The following PITPNM2 variants were observed in gnomAD, a reference collection of about 807,000 sequenced individuals.
PITPNM2 encodes the protein membrane-associated phosphatidylinositol transfer protein 2.
A neutral mutation model predicts 132.2 loss-of-function variants in PITPNM2; 35 were observed. The ratio of observed to expected loss-of-function variants is 0.26; its 90% CI spans 0.20 to 0.35. PITPNM2 has a LOEUF of 0.35. PITPNM2 is among the 10% of genes least tolerant of loss of function. The pLI, the probability that PITPNM2 is intolerant of heterozygous loss-of-function variation, is 1.00. For synonymous variants in PITPNM2, 738 were observed against 799.2 expected, an observed-to-expected ratio of 0.92 and a Z score of 1.29; for missense variants, 1,332 against 1,912.0, an observed-to-expected ratio of 0.70 and a Z score of 5.66.
At chr12:123,104,711 C>A (rs1055277537) in intron 2 of PITPNM2, among the ~76,000 whole-genome samples, 38 of 152,260 alleles carry the variant, frequency 2.5e-4, no homozygotes, top group Non-Finnish European at 5.3e-4. Context: ...ACTCTCTTTT[C>A]TGATTCAGCC....
intron 2 of PITPNM2, among the ~76,000 whole-genome samples, chr12:123,057,439 A>G (rs2041072991): frequency 6.6e-6 from 1 of 152,198 alleles, no homozygotes; most frequent in Non-Finnish European, 1.5e-5. Flanking sequence ...TCTTCCTAAC[A>G]GGAACATTCA....
intron 3 of PITPNM2, among the ~76,000 whole-genome samples, chr12:123,020,516 C>G (rs2039623472): frequency 6.6e-6 from 1 of 152,162 alleles, no homozygotes; most frequent in Non-Finnish European, 1.5e-5. Context: ...CGTCCTGGTA[C>G]ATGTATAGAG....
chr12:122,990,566 T>C lies in PITPNM2; in HGVS notation c.2548A>G (p.Thr850Ala). The C allele has an allele frequency of 6.2e-7, 1 of 1,612,982 alleles. No homozygotes were observed. The highest frequency in any genetic ancestry group is 8.5e-7 in the Non-Finnish European group (1 of 1,179,970). The stretch of plus-strand genomic sequence containing the variant: ...TCACTCTGGGCGATGCTGGATGCCG[T>C]GTAGCTCTCAGCCATGCCTGACACC... ...SQVSGMAESY[T>A]ASSIAQKAPD... The change falls in exon 17 of 26, where the codon ACG becomes GCG. Residue 850 changes from threonine to alanine, a missense_variant. Physicochemically the swap from Thr to Ala is moderately conservative, Grantham distance 58. Transcript: ENST00000320201.
At chr12:123,001,748 T>G (rs1342802780) in intron 8 of PITPNM2, among the ~76,000 whole-genome samples, 1 of 152,122 alleles carries the variant, frequency 6.6e-6, no homozygotes, top group Non-Finnish European at 1.5e-5. Flanking sequence ...AATGCTATAT[T>G]GACCAGGCAT....
chr12:123,148,321 C>T (rs536048695), intron 1 of PITPNM2, among the ~76,000 whole-genome samples: 5 of 152,200 alleles, frequency 3.3e-5, no homozygotes, highest in African/African-American at 7.2e-5. Context: ...TGGATTGACT[C>T]TGCGGTCATA....
intron 1 of PITPNM2, among the ~76,000 whole-genome samples, chr12:123,145,038 C>A (rs999156274): frequency 6.6e-6 from 1 of 152,032 alleles, no homozygotes; most frequent in African/African-American, 2.4e-5. Context: ...TGTTAGCCAG[C>A]GTGGTGCACA....
At chr12:123,145,076 C>T (rs568438070) in intron 1 of PITPNM2, among the ~76,000 whole-genome samples, 21 of 152,150 alleles carry the variant, frequency 1.4e-4, no homozygotes, top group Middle Eastern at 6.8e-3. Context: ...ACTCAGGAGG[C>T]TGAGGCAGGA....
rs1450157614 is a variant in PITPNM2 at position 123,082,621 on chromosome 12, A to G, written c.-96+27764T>C. Among the ~76,000 whole-genome samples the G allele has an allele frequency of 6.6e-6, 1 of 152,026 alleles. No individual in the cohort carries two copies. Among genetic ancestry groups the G allele is most frequent in the African/African-American group, 2.4e-5 (1 of 41,376 alleles). ...CCGGCTAATTTTTATATTTTTAGTA[A>G]GACGGGGTTTCACCATGTTGGTCAG... On this transcript the variant is annotated intron_variant, in intron 2 of 25. Coordinates refer to ENST00000320201, the MANE Select transcript of PITPNM2 (RefSeq NM_020845.3). The surrounding 1 kb of genome is among the most constrained non-coding windows in gnomAD (Gnocchi z 5.4).
At position 123,055,996 on chromosome 12, in the gene PITPNM2, G is replaced by A. The variant is rs1272218459; in HGVS notation, c.-95-21311C>T. Among the ~76,000 whole-genome samples, 3 of 152,190 alleles carry A rather than the reference G, an allele frequency of 2.0e-5. No individual in the cohort carries two copies. In the South Asian group the frequency reaches 6.2e-4, roughly 32 times the overall value. On this transcript the variant is annotated intron_variant, in intron 2 of 25. Coordinates refer to ENST00000320201, the MANE Select transcript of PITPNM2 (RefSeq NM_020845.3). ...ATGTGTTCATACTCCACCAGCCAAT[G>A]TCCTGCCTCTGCCTCTCCCTGGGGT...
At chr12:123,124,071 C>T (rs1024905056) in intron 1 of PITPNM2, among the ~76,000 whole-genome samples, 13 of 151,826 alleles carry the variant, frequency 8.6e-5, no homozygotes, top group East Asian at 5.8e-4. Flanking sequence ...CTGGCTAACA[C>T]GGTGAAACCC....
At chr12:123,103,167 A>G (rs117065261) in intron 2 of PITPNM2, among the ~76,000 whole-genome samples, 1,652 of 152,296 alleles carry the variant, frequency 0.011, 15 homozygotes, top group Non-Finnish European at 0.017. Flanking sequence ...ATCTGGTGGC[A>G]GGAGAAGTTG....
At chr12:123,041,149 T>C (rs2040457716) in intron 2 of PITPNM2, among the ~76,000 whole-genome samples, 1 of 152,190 alleles carries the variant, frequency 6.6e-6, no homozygotes, top group African/African-American at 2.4e-5. Context: ...TTTCATTTTG[T>C]CTTCTGGGGG....
intron 1 of PITPNM2, among the ~76,000 whole-genome samples, chr12:123,115,552 CGCACACACACACAT>C (rs941030959): frequency 1.3e-5 from 2 of 151,952 alleles, no homozygotes; most frequent in African/African-American, 2.4e-5. Context: ...CACACACACA[CGCACACACACACAT>C]GCACACACAC....
chr12:123,120,551 T>A (rs2043014456), intron 1 of PITPNM2, among the ~76,000 whole-genome samples: 1 of 152,180 alleles, frequency 6.6e-6, no homozygotes, highest in Non-Finnish European at 1.5e-5. Flanking sequence ...GCTAATTCAC[T>A]GTCAGTCACA....
At chr12:122,995,352 A>C (rs1594127111) in intron 14 of PITPNM2, 37 bp downstream of exon 14, 2 of 1,548,368 alleles carry the variant, frequency 1.3e-6, no homozygotes, top group Non-Finnish European at 1.7e-6. Context: ...CTCTTCCCAC[A>C]CCCAGAGGCA....
At position 123,000,671 on chromosome 12, in the gene PITPNM2, G is replaced by A; in HGVS notation, c.1224+107C>T. On this transcript the variant is annotated intron_variant, in intron 10 of 25. Coordinates refer to ENST00000320201, the MANE Select transcript of PITPNM2 (RefSeq NM_020845.3). The surrounding 1 kb of genome is among the most constrained non-coding windows in gnomAD (Gnocchi z 5.4). ...GTACCCAGGCAGGCGTGGAGGTGAG[G>A]CTGCCAGGCCCAGAGTTCCACCTCT... 4.0e-6 allele frequency: 5 copies of A among 1,258,598 alleles called. No individual in the cohort carries two copies. Among genetic ancestry groups the A allele is most frequent in the Non-Finnish European group, 5.6e-6 (5 of 891,240 alleles). 78.0% of individuals were successfully genotyped at this position (1,258,598 alleles called of 1,614,324 possible).
Position 122,986,329 on chromosome 12 carries a change from C to T in PITPNM2, c.3748G>A (p.Ala1250Thr). The change falls in exon 26 of 26, where the codon GCC becomes ACC. Residue 1250 changes from alanine (A) to threonine (T), a missense_variant. Coordinates refer to ENST00000320201, the MANE Select transcript of PITPNM2 (RefSeq NM_020845.3). Reference sequence around the variant, plus strand: ...CTGTACTTCAGCTGCGCCAGGTGGGCCGCGTAGCCATCCGTGATGAACTGC... The same window carrying T: ...CTGTACTTCAGCTGCGCCAGGTGGGTCGCGTAGCCATCCGTGATGAACTGC... The part of the protein sequence containing the change: ...QCQFITDGYA[A>T]HLAQLKYSHR... 6.3e-7 allele frequency: 1 copy of T among 1,579,238 alleles called. No individual in the cohort carries two copies. The highest frequency in any genetic ancestry group is 8.6e-7 in the Non-Finnish European group (1 of 1,164,492).
chr12:123,011,881 T>C (rs1051351653), intron 5 of PITPNM2, among the ~76,000 whole-genome samples: 5 of 152,128 alleles, frequency 3.3e-5, no homozygotes, highest in South Asian at 2.1e-4. Context: ...AAGCCACTCA[T>C]GCTATGACGC....
chr12:123,048,603 G>A (rs1195586711), intron 2 of PITPNM2, among the ~76,000 whole-genome samples: 3 of 151,980 alleles, frequency 2.0e-5, no homozygotes, highest in Admixed American at 6.5e-5. Context: ...TAGTAGAGAC[G>A]GGGTTTCACC....
Sources: allele counts gnomAD v4.1 joint callset (sites outside exome capture counted in the v4.1 genomes callset), GRCh38; gene constraint gnomAD v4.1.1; non-coding constraint Gnocchi (gnomAD v3.1); transcripts MANE v1.5; gene names NCBI Gene and HGNC (gene_info 2026-07-23, HGNC 2026-07-21).